The following COL13A1 variants were observed in gnomAD, a reference collection of about 807,000 sequenced individuals.
The protein encoded by COL13A1 is collagen type XIII alpha 1 chain.
A neutral mutation model predicts 130.9 loss-of-function variants in COL13A1; 89 were observed. The ratio of observed to expected loss-of-function variants is 0.68; its 90% confidence interval spans 0.57 to 0.81. The LOEUF (loss-of-function observed/expected upper bound fraction) is 0.81. COL13A1 is among the 30% of genes least tolerant of loss of function. The pLI, the probability that COL13A1 is intolerant of heterozygous loss-of-function variation, is 0.00. For synonymous variants in COL13A1, 402 were observed against 341.6 expected (o/e 1.18, Z -1.95); for missense variants, 879 against 934.6 (o/e 0.94, Z 0.78).
At chr10:69,945,647 A>G (rs550469062) in intron 36 of COL13A1, 24 bp from the exon 37 acceptor site, 7 of 1,610,294 alleles carry the variant, frequency 4.3e-6, no homozygotes, top group Non-Finnish European at 5.9e-6. Flanking sequence ...GGCAGGATTC[A>G]TGCATTTCTT....
At chr10:69,854,488 G>A (rs1855841596) in intron 2 of COL13A1, among the ~76,000 whole-genome samples, 1 of 151,930 alleles carries the variant, frequency 6.6e-6, no homozygotes, top group Admixed American at 6.6e-5. Flanking sequence ...TGGTAGGGTC[G>A]CTTGAGCCTG....
intron 13 of COL13A1, chr10:69,897,580 C>T: frequency 6.3e-7 from 1 of 1,589,672 alleles, no homozygotes; most frequent in South Asian, 1.1e-5. Flanking sequence ...TGAGAGGCTT[C>T]CTGAACATAC....
At chr10:69,902,602 C>A (rs76837163) in intron 14 of COL13A1, 146 bp from the exon 15 acceptor site, 4 of 595,198 alleles carry the variant, frequency 6.7e-6, no homozygotes, top group East Asian at 6.5e-5. Context: ...AGCATCATCA[C>A]CATCATGCCA....
intron 2 of COL13A1, among the ~76,000 whole-genome samples, chr10:69,849,579 C>T (rs1248627965): frequency 4.6e-5 from 7 of 152,328 alleles, no homozygotes; most frequent in East Asian, 3.9e-4. Flanking sequence ...GCCCTGGCCT[C>T]AATTCTGTGG....
chr10:69,810,958 A>G (rs1589157070), intron 1 of COL13A1, among the ~76,000 whole-genome samples: 1 of 152,216 alleles, frequency 6.6e-6, no homozygotes, highest in African/African-American at 2.4e-5. Flanking sequence ...AAGGGGCAGA[A>G]CTGCCTGCCA....
At chr10:69,954,668 C>T (rs2070288416) in intron 39 of COL13A1, among the ~76,000 whole-genome samples, 1 of 152,196 alleles carries the variant, frequency 6.6e-6, no homozygotes. Context: ...GTGACACCAT[C>T]AGAACTAGGG....
Position 69,930,683 on chromosome 10 carries a change from G to A in COL13A1, c.1683+131G>A, listed in dbSNP as rs1239544034. ...AGAAACCTGGGGCCAGGGCTTAGGG[G>A]TGGAGGATTCACTCAGCTTCCCCTC... On this transcript the variant is annotated intron_variant, in intron 30 of 40. Coordinates refer to ENST00000645393, the MANE Select transcript of COL13A1 (RefSeq NM_001368882.1). 3 of 1,062,608 alleles carry A rather than the reference G, an allele frequency of 2.8e-6. No homozygotes were observed. The East Asian group carries it at 8.1e-5, about 29-fold the overall frequency. The allele number at this position is 1,062,608 out of a possible 1,614,324, so 65.8% of individuals were successfully genotyped here.
chr10:69,843,259 G>A (rs1351076583), intron 2 of COL13A1, among the ~76,000 whole-genome samples: 6 of 152,066 alleles, frequency 3.9e-5, no homozygotes, highest in African/African-American at 1.2e-4. Context: ...CTCAACCCAC[G>A]GCCTAGGAGC....
chr10:69,937,709 A>T lies in COL13A1; in HGVS notation c.1872A>T (p.Gly624=). ...QGEKGDRGPL[G]LPGASGLDGR... ...AAAAAGGAGACCGTGGTCCCCTGGG[A>T]CTACCCGTAAGTACCTTGGACCCAG... The change falls in exon 34 of 41, where the codon GGA becomes GGT. Residue 624 remains glycine (G), a synonymous_variant. Transcript: ENST00000645393. The T allele has an allele frequency of 6.6e-7, 1 of 1,513,468 alleles. No homozygotes were observed. Among genetic ancestry groups the T allele is most frequent in the South Asian group, 1.1e-5 (1 of 89,006 alleles). 93.8% of individuals were successfully genotyped at this position (1,513,468 alleles called of 1,614,324 possible).
intron 34 of COL13A1, 58 bp downstream of exon 34, chr10:69,937,773 G>C: frequency 1.3e-6 from 1 of 778,720 alleles, no homozygotes; most frequent in Non-Finnish European, 2.3e-6. Context: ...GTGTGGGCTG[G>C]GACTGGGGGA....
At chr10:69,880,387 G>A (rs541110990) in intron 6 of COL13A1, 116 bp from the exon 7 acceptor site, 67 of 725,756 alleles carry the variant, frequency 9.2e-5, no homozygotes, top group Admixed American at 8.8e-4. Context: ...CCATGGGGCC[G>A]GCCTCCTGCT....
intron 21 of COL13A1, 56 bp from the exon 22 acceptor site, chr10:69,921,826 C>T: frequency 6.4e-7 from 1 of 1,567,896 alleles, no homozygotes; most frequent in Non-Finnish European, 8.7e-7. Context: ...TGGTGGCTTC[C>T]CAAACCTGCT....
chr10:69,899,081 A>G (rs1815841276), intron 14 of COL13A1, among the ~76,000 whole-genome samples: 1 of 152,180 alleles, frequency 6.6e-6, no homozygotes, highest in Non-Finnish European at 1.5e-5. Context: ...GATCATCCTT[A>G]TTTCACGATG....
At chr10:69,835,157 C>T (rs1007467363) in intron 2 of COL13A1, among the ~76,000 whole-genome samples, 9 of 152,180 alleles carry the variant, frequency 5.9e-5, no homozygotes, top group African/African-American at 2.2e-4. Context: ...CTGCTGGGGG[C>T]AGATGAGCTC....
At chr10:69,918,261 C>A (rs1164059019) in intron 18 of COL13A1, 24 bp from the exon 19 acceptor site, 2 of 1,610,808 alleles carry the variant, frequency 1.2e-6, no homozygotes, top group Admixed American at 1.7e-5. Context: ...TGTCTTCAGA[C>A]CTTTTTTTTT....
Position 69,875,137 on chromosome 10 carries a change from G to T in COL13A1, c.409G>T (p.Gly137Cys). 6.2e-7 allele frequency: 1 copy of T among 1,613,964 alleles called. No homozygotes were observed. Among genetic ancestry groups the T allele is most frequent in the Non-Finnish European group, 8.5e-7 (1 of 1,179,892 alleles). ...TGRPGLPGDK[G>C]AIGMPGRVGV... is the part of the protein sequence containing the mutation. Reference sequence around the variant, plus strand: ...CCTCCTTCATCATCAGGGGGACAAAGGTGCCATTGGGATGCCTGGACGTGT... The same window carrying T: ...CCTCCTTCATCATCAGGGGGACAAATGTGCCATTGGGATGCCTGGACGTGT... The change falls in exon 5 of 41, where the codon GGT (glycine) becomes TGT (cysteine). Residue 137 changes from glycine (G) to cysteine (C), a missense_variant. By Grantham distance (159) the Gly-to-Cys change is radical. Transcript: ENST00000645393.
intron 12 of COL13A1, 83 bp from the exon 13 acceptor site, chr10:69,895,467 T>C (rs1202934203): frequency 2.1e-6 from 3 of 1,460,696 alleles, no homozygotes; most frequent in East Asian, 2.3e-5. Flanking sequence ...GTGTGGCATG[T>C]CCTGAAGTGC....
chr10:69,831,900 T>C (rs1002338015), intron 2 of COL13A1, among the ~76,000 whole-genome samples: 1 of 152,126 alleles, frequency 6.6e-6, no homozygotes, highest in Admixed American at 6.5e-5. Flanking sequence ...TCACATAAAA[T>C]GGGAATGACA....
chr10:69,883,630 A>G (rs564319784), intron 7 of COL13A1, among the ~76,000 whole-genome samples: 1 of 152,318 alleles, frequency 6.6e-6, no homozygotes, highest in African/African-American at 2.4e-5. Context: ...GACAAGGAGG[A>G]GGAACCAGCC....
Sources: gnomAD v4.1 joint callset for allele counts (sites outside exome capture counted in the v4.1 genomes callset) on GRCh38, gnomAD v4.1.1 for gene constraint, MANE v1.5 for transcripts, NCBI Gene and HGNC (gene_info 2026-07-23, HGNC 2026-07-21) for gene names.